Variants in SYMPK observed in about 807,000 individuals in gnomAD.
SYMPK encodes symplekin scaffold protein.
In SYMPK, 49 loss-of-function variants were observed where a neutral mutation model predicts 136.4. The ratio of observed to expected loss-of-function variants is 0.36; its 90% confidence interval spans 0.29 to 0.46. The LOEUF (loss-of-function observed/expected upper bound fraction) is 0.46, where lower values mean the gene tolerates loss of function less well. SYMPK is among the 20% of genes least tolerant of loss of function. The probability of loss-of-function intolerance (pLI) is 1.00; values close to 1 mark genes in which losing one functional copy is unlikely to be tolerated. For missense variants in SYMPK, 1,365 were observed against 1,690.0 expected (o/e 0.81, Z 3.37); for synonymous variants, 766 against 713.0 (o/e 1.07, Z -1.19).
At chr19:45,816,214 A>G in intron 25 of SYMPK, 31 bp from the exon 26 acceptor site, 1 of 1,436,216 alleles carries the variant, frequency 7.0e-7, no homozygotes, top group Non-Finnish European at 9.3e-7. Flanking sequence ...ACAGAAGCTC[A>G]GAGGTGGGTG....
At chr19:45,858,999 C>G (rs1009017713) in intron 1 of SYMPK, among the ~76,000 whole-genome samples, 5 of 152,064 alleles carry the variant, frequency 3.3e-5, no homozygotes, top group Non-Finnish European at 5.9e-5. Context: ...TCTTGAACTC[C>G]TGCACTCAAG....
At chr19:45,817,417 C>CTCTTTTTTTTTTTTTTTTTTTTT (rs1568605965) in intron 23 of SYMPK, among the ~76,000 whole-genome samples, 14 of 108,480 alleles carry the variant, frequency 1.3e-4, no homozygotes, top group Non-Finnish European at 2.4e-4. Flanking sequence ...TTTTTGTTCT[C>CTCTTTTTTTTTTTTTTTTTTTTT]TTTTTTTTTT....
intron 9 of SYMPK, among the ~76,000 whole-genome samples, chr19:45,840,424 G>A (rs1971408002): frequency 6.6e-6 from 1 of 151,582 alleles, no homozygotes. Context: ...AACACTTTAG[G>A]AGGCGAAGGC....
rs776091367 is a variant in SYMPK at position 45,821,434 on chromosome 19, G to A, written c.2843C>T (p.Ala948Val). Reference sequence around the variant, plus strand: ...CTTCACGGAGTCAATGTTGTGTAATGCGATCAGGAGCTCTCCAGGGTTCAG... The same window carrying A: ...CTTCACGGAGTCAATGTTGTGTAATACGATCAGGAGCTCTCCAGGGTTCAG... Reference protein sequence around the residue: ...SPLNPGELLIALHNIDSVKCD... With the variant: ...SPLNPGELLIVLHNIDSVKCD... The change falls in exon 22 of 27, where the codon GCA (alanine) becomes GTA (valine). Residue 948 changes from alanine to valine, a missense_variant. By Grantham distance (64) the Ala-to-Val change is moderately conservative. Coordinates refer to ENST00000245934, the MANE Select transcript of SYMPK (RefSeq NM_004819.3). This position sits in a 1 kb window ranked among gnomAD's most constrained non-coding sequence, Gnocchi z 4.4. 2 of 1,614,110 alleles carry A rather than the reference G, an allele frequency of 1.2e-6. No individual in the cohort carries two copies. Among genetic ancestry groups the A allele is most frequent in the Non-Finnish European group, 8.5e-7 (1 of 1,180,012 alleles).
At chr19:45,834,527 GCT>G (rs369172953) in intron 11 of SYMPK, among the ~76,000 whole-genome samples, 21,604 of 151,556 alleles carry the variant, frequency 0.14, 1,614 homozygotes, top group South Asian at 0.18. Flanking sequence ...CTCATTATGA[GCT>G]AAACATAAAT....
intron 7 of SYMPK, among the ~76,000 whole-genome samples, chr19:45,844,460 G>A (rs1224619153): frequency 2.0e-5 from 3 of 152,130 alleles, no homozygotes; most frequent in Non-Finnish European, 2.9e-5. Flanking sequence ...ATCACTTGAG[G>A]TCAGGAGTTC....
In SYMPK at chr19:45,835,193, C is replaced by A; in HGVS notation, c.1278G>T (p.Met426Ile). 1 of 1,611,332 alleles carries A rather than the reference C, an allele frequency of 6.2e-7. No individual in the cohort carries two copies. Among genetic ancestry groups the A allele is most frequent in the Non-Finnish European group, 8.5e-7 (1 of 1,178,742 alleles). ...LISMVYLPEA[M>I]PASFQAIYTP... The stretch of plus-strand genomic sequence containing the variant: ...TGTAGATGGCCTGGAAGGAGGCTGG[C>A]ATGGCCTCGGGTAGGTACACCATGC... Residue 426 changes from methionine (M) to isoleucine (I), a missense_variant, in exon 11 of 27, where the codon ATG (methionine) becomes ATT (isoleucine). Around this residue, in one of 11 missense-constraint regions of SYMPK, gnomAD observed 15 missense variants for 61.4 expected, o/e 0.24. Transcript: ENST00000245934.
intron 17 of SYMPK, among the ~76,000 whole-genome samples, chr19:45,825,707 TTGGTC>T (rs1321160125): frequency 6.6e-6 from 1 of 152,202 alleles, no homozygotes; most frequent in African/African-American, 2.4e-5. Context: ...GCCCTCCATG[TTGGTC>T]ACATACCCAT....
intron 8 of SYMPK, chr19:45,842,766 C>G: frequency 2.3e-6 from 1 of 435,246 alleles, no homozygotes; most frequent in South Asian, 3.0e-5. Flanking sequence ...TCTGGAAATT[C>G]ACATATGCTT....
At chr19:45,825,824 G>A (rs961596527) in intron 17 of SYMPK, among the ~76,000 whole-genome samples, 45 of 152,132 alleles carry the variant, frequency 3.0e-4, no homozygotes, top group African/African-American at 1.1e-3. Context: ...CGAAGGCTGT[G>A]CATCTCCTGG....
At chr19:45,841,226 C>T (rs530102501) in intron 9 of SYMPK, among the ~76,000 whole-genome samples, 10 of 152,022 alleles carry the variant, frequency 6.6e-5, no homozygotes, top group East Asian at 1.9e-4. Flanking sequence ...TCAGGTGATC[C>T]CCTCAACTTG....
intron 1 of SYMPK, among the ~76,000 whole-genome samples, chr19:45,858,703 C>A (rs371627562): frequency 1.1e-4 from 17 of 152,102 alleles, no homozygotes; most frequent in African/African-American, 3.9e-4. Context: ...TTAGTAGAGA[C>A]GGGGTTTCTC....
At chr19:45,840,745 A>G (rs1215948049) in intron 9 of SYMPK, among the ~76,000 whole-genome samples, 1 of 151,808 alleles carries the variant, frequency 6.6e-6, no homozygotes, top group Non-Finnish European at 1.5e-5. Context: ...CAGGAAGCAG[A>G]GGTATGAGAA....
chr19:45,828,535 TAATAAA>T (rs1568612662), intron 14 of SYMPK: 1 of 190,748 alleles, frequency 5.2e-6, no homozygotes, highest in Non-Finnish European at 1.1e-5. Flanking sequence ...AGGATTTATA[TAATAAA>T]ATGTTCCTGG....
chr19:45,854,730 G>A, intron 1 of SYMPK: 2 of 535,794 alleles, frequency 3.7e-6, no homozygotes, highest in East Asian at 3.2e-5. Context: ...TCCCAAGGCA[G>A]AGCCAGAAGT....
chr19:45,856,897 A>G (rs1488770930), intron 1 of SYMPK, among the ~76,000 whole-genome samples: 1 of 152,024 alleles, frequency 6.6e-6, no homozygotes, highest in Non-Finnish European at 1.5e-5. Context: ...TAGGCAGAAC[A>G]CCTGAGGTCA....
At chr19:45,847,503 G>C (rs1370155338) in intron 7 of SYMPK, among the ~76,000 whole-genome samples, 3 of 151,876 alleles carry the variant, frequency 2.0e-5, no homozygotes, top group Admixed American at 6.6e-5. Context: ...AAACCTGTGA[G>C]AGTGGTACTA....
chr19:45,850,826 A>C (rs1443178966), intron 5 of SYMPK, among the ~76,000 whole-genome samples: 5 of 152,048 alleles, frequency 3.3e-5, no homozygotes, highest in Non-Finnish European at 7.3e-5. Flanking sequence ...AGGTTATTTC[A>C]ATGAGTGAGG....
rs1421958831 is a variant in SYMPK at position 45,848,802 on chromosome 19, A to G, written c.374T>C (p.Val125Ala). Residue 125 changes from valine to alanine, a missense_variant, in exon 6 of 27, where the codon GTG becomes GCG. By Grantham distance (64) the Val-to-Ala change is moderately conservative. This residue lies in a region of SYMPK where 237 missense variants were observed against 292.9 expected (regional missense o/e 0.81). Coordinates refer to ENST00000245934, the MANE Select transcript of SYMPK (RefSeq NM_004819.3). ...CATGGTGAGGATAGCCTTCTTCACCACGTTCACATTCTCGTCCCTCAAGAG... is the reference window on the plus strand; with the variant it reads ...CATGGTGAGGATAGCCTTCTTCACCGCGTTCACATTCTCGTCCCTCAAGAG... ...NMLLRDENVN[V>A]VKKAILTMTQ... The G allele has an allele frequency of 6.2e-7, 1 of 1,614,034 alleles. No individual in the cohort carries two copies. Among genetic ancestry groups the G allele is most frequent in the South Asian group, 1.1e-5 (1 of 91,076 alleles).
Sources: gnomAD v4.1 joint callset for allele counts (sites outside exome capture counted in the v4.1 genomes callset) on GRCh38, gnomAD v4.1.1 for gene constraint, gnomAD v4.1.1 regional missense constraint, Gnocchi (gnomAD v3.1) non-coding constraint, MANE v1.5 for transcripts, NCBI Gene and HGNC (gene_info 2026-07-23, HGNC 2026-07-21) for gene names.